Variants in TOMM20 observed in about 807,000 individuals in gnomAD.
TOMM20 encodes translocase of outer mitochondrial membrane 20.
In TOMM20, 10 loss-of-function variants were observed where a neutral mutation model predicts 22.1. The observed-to-expected ratio is 0.45, with a 90% CI of 0.28 to 0.77. TOMM20 has a LOEUF of 0.77. Ranked by LOEUF, TOMM20 falls within the 30% of genes least tolerant of loss-of-function variation. The probability of loss-of-function intolerance (pLI) is 0.13; values close to 1 mark genes in which losing one functional copy is unlikely to be tolerated. For missense variants in TOMM20, 121 were observed against 172.2 expected (o/e 0.70, Z 1.66); for synonymous variants, 55 against 61.4 (o/e 0.90, Z 0.49).
chr1:235,126,019 G>A (rs1278944512), intron 1 of TOMM20, among the ~76,000 whole-genome samples: 2 of 151,876 alleles, frequency 1.3e-5, no homozygotes, highest in African/African-American at 4.8e-5. Context: ...GCCTCCCAAA[G>A]TGCTGGGATT....
intron 1 of TOMM20, among the ~76,000 whole-genome samples, chr1:235,124,012 T>C (rs1660973805): frequency 1.3e-5 from 2 of 152,220 alleles, no homozygotes; most frequent in African/African-American, 4.8e-5. Flanking sequence ...CGAGACACTG[T>C]TCTAAATGTT....
At chr1:235,113,322 C>A (rs1288469028) in intron 4 of TOMM20, among the ~76,000 whole-genome samples, 1 of 152,174 alleles carries the variant, frequency 6.6e-6, no homozygotes, top group Non-Finnish European at 1.5e-5. Flanking sequence ...GAGGCATGAG[C>A]CTTTACACAA....
Position 235,122,350 on chromosome 1 carries a change from G to C in TOMM20, c.144C>G (p.Ala48=). The change falls in exon 2 of 5, where the codon GCC becomes GCG. Residue 48 remains alanine, a synonymous_variant. Transcript: ENST00000366607. ...LRERRKKQKL[A]KERAGLSKLP... ...CCTTGGAAAGCCCAGCTCTCTCCTT[G>C]GCAAGCTTCTGTTTCTTTCTTCCTG... The C allele has an allele frequency of 6.4e-7, 1 of 1,569,286 alleles. No homozygotes were observed. Among genetic ancestry groups the C allele is most frequent in the Non-Finnish European group, 8.6e-7 (1 of 1,160,196 alleles).
rs1660745776 is a variant in TOMM20, at chr1:235,111,990, C to A, written c.*74G>T. On this transcript the variant is annotated 3_prime_UTR_variant, in exon 5 of 5. Coordinates refer to ENST00000366607, the MANE Select transcript of TOMM20 (RefSeq NM_014765.3). Reference sequence around the variant, plus strand: ...ATAACAAGCATATTTGCCCTTATTCCCCCAGAGCTGCTCAACTACCAAGAA... The same window carrying A: ...ATAACAAGCATATTTGCCCTTATTCACCCAGAGCTGCTCAACTACCAAGAA... The A allele has an allele frequency of 1.5e-6, 2 of 1,302,722 alleles. No individual in the cohort carries two copies. The highest frequency in any genetic ancestry group is 2.2e-6 in the Non-Finnish European group (2 of 909,682). 80.7% of individuals were successfully genotyped at this position (1,302,722 alleles called of 1,614,324 possible).
chr1:235,122,301 AT>A, intron 2 of TOMM20, 24 bp downstream of exon 2: 17 of 1,485,250 alleles, frequency 1.1e-5, no homozygotes, highest in Non-Finnish European at 1.4e-5. Context: ...AAAATATATA[AT>A]TTAAACAGAA....
At chr1:235,123,324 A>G (rs1051170793) in intron 1 of TOMM20, among the ~76,000 whole-genome samples, 2 of 152,132 alleles carry the variant, frequency 1.3e-5, no homozygotes, top group African/African-American at 4.8e-5. Context: ...ATCTCTACTA[A>G]AAATACAAAA....
chr1:235,120,367 G>T (rs1416858908), intron 2 of TOMM20, among the ~76,000 whole-genome samples: 12 of 151,646 alleles, frequency 7.9e-5, no homozygotes, highest in Admixed American at 7.9e-4. Flanking sequence ...CCACCTCCCG[G>T]ATTCAAGCGA....
intron 3 of TOMM20, among the ~76,000 whole-genome samples, chr1:235,117,599 G>A (rs1660857430): frequency 6.6e-6 from 1 of 152,128 alleles, no homozygotes; most frequent in Non-Finnish European, 1.5e-5. Flanking sequence ...ACTTGACCCT[G>A]TCAGCTGACG....
At chr1:235,121,498 C>T (rs542208318) in intron 2 of TOMM20, among the ~76,000 whole-genome samples, 7 of 152,332 alleles carry the variant, frequency 4.6e-5, no homozygotes, top group South Asian at 2.1e-4. Context: ...CCTACTAGAA[C>T]GAAGTAGTTT....
intron 2 of TOMM20, among the ~76,000 whole-genome samples, chr1:235,120,293 G>C (rs939587228): frequency 2.6e-5 from 4 of 151,952 alleles, no homozygotes; most frequent in African/African-American, 4.8e-5. Flanking sequence ...TGTTTTTTGA[G>C]ACAGAGTCTC....
At chr1:235,126,425 C>G (rs1271282869) in intron 1 of TOMM20, among the ~76,000 whole-genome samples, 1 of 152,114 alleles carries the variant, frequency 6.6e-6, no homozygotes, top group Non-Finnish European at 1.5e-5. Flanking sequence ...AGCCACCACA[C>G]CCAGCCTCAA....
At chr1:235,124,340 C>T (rs1660978376) in intron 1 of TOMM20, among the ~76,000 whole-genome samples, 1 of 152,202 alleles carries the variant, frequency 6.6e-6, no homozygotes, top group African/African-American at 2.4e-5. Flanking sequence ...GAGTGAGACT[C>T]CGTCTCAAAC....
At chr1:235,114,733 A>G (rs1440037738) in intron 3 of TOMM20, among the ~76,000 whole-genome samples, 1 of 152,070 alleles carries the variant, frequency 6.6e-6, no homozygotes, top group African/African-American at 2.4e-5. Flanking sequence ...CACCACGCCC[A>G]GCCTATTTTA....
chr1:235,112,210 G>C, intron 4 of TOMM20, 102 bp from the exon 5 acceptor site: 1 of 946,450 alleles, frequency 1.1e-6, no homozygotes, highest in South Asian at 1.6e-5. Flanking sequence ...TTGAATCTTA[G>C]TAAAGTTCAC....
Position 235,118,030 on chromosome 1 carries a change from C to G in TOMM20, c.250+1788G>C, listed in dbSNP as rs530867028. Among the ~76,000 whole-genome samples the G allele has an allele frequency of 1.1e-3, 174 of 152,336 alleles. 1 individual carries two copies. Among genetic ancestry groups the G allele is most frequent in the African/African-American group, 4.0e-3 (168 of 41,576 alleles). ...TCCACTGATGGTCACTTTAGAATTA[C>G]AGTAATCAAAAGACTGGCTAAGTCA... On this transcript the variant is annotated intron_variant, in intron 3 of 4. Coordinates refer to ENST00000366607, the MANE Select transcript of TOMM20 (RefSeq NM_014765.3).
intron 3 of TOMM20, among the ~76,000 whole-genome samples, chr1:235,114,760 A>G (rs1284927188): frequency 6.6e-6 from 1 of 151,996 alleles, no homozygotes; most frequent in African/African-American, 2.4e-5. Flanking sequence ...AATATCCTTC[A>G]ATAGACATAT....
chr1:235,113,044 T>C (rs1214311928), intron 4 of TOMM20, among the ~76,000 whole-genome samples: 1 of 152,220 alleles, frequency 6.6e-6, no homozygotes, highest in Non-Finnish European at 1.5e-5. Flanking sequence ...AACTATAAAG[T>C]TCTGTAAATA....
At chr1:235,123,684 C>T (rs1010767966) in intron 1 of TOMM20, among the ~76,000 whole-genome samples, 4 of 152,280 alleles carry the variant, frequency 2.6e-5, no homozygotes, top group African/African-American at 9.6e-5. Context: ...TAAAGTTGAT[C>T]TTATGTATTA....
At chr1:235,116,791 AT>A (rs1399529684) in intron 3 of TOMM20, among the ~76,000 whole-genome samples, 3 of 152,078 alleles carry the variant, frequency 2.0e-5, no homozygotes, top group Admixed American at 1.3e-4. Context: ...GATTCTTTTT[AT>A]TTACCAAACA....
Sources: allele counts gnomAD v4.1 joint callset (sites outside exome capture counted in the v4.1 genomes callset), GRCh38; gene constraint gnomAD v4.1.1; transcripts MANE v1.5; gene names NCBI Gene and HGNC (gene_info 2026-07-23, HGNC 2026-07-21).